Variants in IL15 observed in about 807,000 individuals in gnomAD.
IL15 encodes the protein interleukin-15.
In IL15, 11 loss-of-function variants were observed where a neutral mutation model predicts 19.6. That is an observed-to-expected ratio of 0.56 (90% CI 0.35 to 0.93). The LOEUF (loss-of-function observed/expected upper bound fraction) is 0.93. Among genes scored for constraint, IL15 ranks in the 40% least tolerant of loss-of-function variants. The probability of loss-of-function intolerance (pLI) is 0.01; values close to 1 mark genes in which losing one functional copy is unlikely to be tolerated. For synonymous variants in IL15, 58 were observed against 59.6 expected (o/e 0.97, Z 0.12); for missense variants, 197 against 186.5 (o/e 1.06, Z -0.33).
At chr4:141,673,622 G>A (rs1374791133) in intron 2 of IL15, among the ~76,000 whole-genome samples, 1 of 152,088 alleles carries the variant, frequency 6.6e-6, no homozygotes, top group Admixed American at 6.6e-5. Context: ...GTATTCGACT[G>A]TATCTGCCTC....
rs145669336 is a variant in IL15, at chr4:141,650,388, A to C, written c.-221-5798A>C. ...CTACTAGTAACTGCGCTTTAGATAT[A>C]GTCAATACATATGGAGGTGCAAGCC... On this transcript the variant is annotated intron_variant, in intron 1 of 7. Transcript: ENST00000320650. Among the ~76,000 whole-genome samples the C allele has an allele frequency of 3.8e-3, 579 of 152,222 alleles. 9 individuals carry two copies. The highest frequency in any genetic ancestry group is 0.013 in the African/African-American group (546 of 41,558).
chr4:141,680,453 C>T (rs931718005), intron 2 of IL15, among the ~76,000 whole-genome samples: 2 of 152,256 alleles, frequency 1.3e-5, no homozygotes, highest in Middle Eastern at 3.4e-3. Flanking sequence ...TTCTGTCGAA[C>T]ACTTGATGGA....
rs372724594 is a variant in IL15 at position 141,698,938 on chromosome 4, T to A, written c.-99-20428T>A. ...TGATATTAGGTTGTTTATTTGTGCT[T>A]TTTCACTTTTTCATGTAGGCATTTA... On this transcript the variant is annotated intron_variant, in intron 2 of 7. Transcript: ENST00000320650. Among the ~76,000 whole-genome samples, 3 of 152,220 alleles carry A rather than the reference T, an allele frequency of 2.0e-5. No individual in the cohort carries two copies. The East Asian group carries it at 5.8e-4, about 29-fold the overall frequency.
At chr4:141,641,457 T>A (rs1265089615) in intron 1 of IL15, among the ~76,000 whole-genome samples, 3 of 152,014 alleles carry the variant, frequency 2.0e-5, no homozygotes, top group African/African-American at 4.8e-5. Context: ...TCCATCAATG[T>A]TAGACTGAAT....
At position 141,671,135 on chromosome 4, in the gene IL15, A is replaced by C. The variant is rs76301524; in HGVS notation, c.-100+14828A>C. Among the ~76,000 whole-genome samples, 576 of 152,350 alleles carry C rather than the reference A, an allele frequency of 3.8e-3. 1 individual carries two copies. The highest frequency in any genetic ancestry group is 6.6e-3 in the Non-Finnish European group (446 of 68,032). On this transcript the variant is annotated intron_variant, in intron 2 of 7. Coordinates refer to ENST00000320650, the MANE Select transcript of IL15 (RefSeq NM_000585.5). ...TCTTAATGTATATACTAGAGACAGA[A>C]AGATGAGTAATATAACCCCTACGTA...
At position 141,720,943 on chromosome 4, in the gene IL15, T is replaced by A. The variant is rs902283024; in HGVS notation, c.110+377T>A. 2.1e-5 allele frequency: 12 copies of A among 567,078 alleles called. No homozygotes were observed. In the East Asian group the frequency reaches 3.5e-4, roughly 17 times the overall value. The allele number at this position is 567,078 out of a possible 1,614,324, so 35.1% of individuals were successfully genotyped here. The stretch of plus-strand genomic sequence containing the variant: ...CCTGACACTGACTCCTCCTATCCCT[T>A]GATCTTTATCCTAGTTCAGTTTAAA... On this transcript the variant is annotated intron_variant, in intron 4 of 7. Transcript: ENST00000320650.
At chr4:141,641,309 C>G (rs1257188718) in intron 1 of IL15, among the ~76,000 whole-genome samples, 1 of 151,914 alleles carries the variant, frequency 6.6e-6, no homozygotes, top group African/African-American at 2.4e-5. Flanking sequence ...TCAAAGGAAC[C>G]ATTAATTTTT....
intron 2 of IL15, among the ~76,000 whole-genome samples, chr4:141,662,752 TC>T (rs1428911992): frequency 6.6e-6 from 1 of 152,200 alleles, no homozygotes; most frequent in Non-Finnish European, 1.5e-5. Flanking sequence ...AGCTTTTTCT[TC>T]CTTTGTTGTT....
intron 5 of IL15, among the ~76,000 whole-genome samples, chr4:141,726,087 T>C (rs72712444): frequency 0.11 from 17,493 of 152,172 alleles, 1,109 homozygotes; most frequent in Non-Finnish European, 0.15. Context: ...GGCAGAGCCA[T>C]TGTGATCCAA....
In IL15 at chr4:141,670,777, AT is replaced by A. The variant is rs546800299; in HGVS notation, c.-100+14472del. On this transcript the variant is annotated intron_variant, in intron 2 of 7. Coordinates refer to ENST00000320650, the MANE Select transcript of IL15 (RefSeq NM_000585.5). ...TACAGAAATTAGTTTTAGATTCAAC[AT>A]TATGTCGAAGTTCCAGTACCTTTAT... is the stretch of plus-strand genomic sequence containing the variant. Among the ~76,000 whole-genome samples, 11 of 152,350 alleles carry A rather than the reference AT, an allele frequency of 7.2e-5. No individual in the cohort carries two copies. In the East Asian group the frequency reaches 2.1e-3, roughly 29 times the overall value.
At chr4:141,656,688 G>A (rs1005140868) in intron 2 of IL15, among the ~76,000 whole-genome samples, 25 of 152,104 alleles carry the variant, frequency 1.6e-4, no homozygotes, top group African/African-American at 4.6e-4. Context: ...TGGCCTCTGG[G>A]TCATAGTTTG....
At chr4:141,666,174 C>T (rs1185405275) in intron 2 of IL15, among the ~76,000 whole-genome samples, 1 of 151,746 alleles carries the variant, frequency 6.6e-6, no homozygotes, top group Non-Finnish European at 1.5e-5. Context: ...GATCTCGGCT[C>T]ACTGCAAGCT....
At chr4:141,709,420 G>T (rs552100361) in intron 2 of IL15, among the ~76,000 whole-genome samples, 28 of 152,246 alleles carry the variant, frequency 1.8e-4, no homozygotes, top group African/African-American at 6.7e-4. Context: ...GCATTGGTTT[G>T]CTGGAGCCAG....
chr4:141,652,285 GT>G (rs1238900308), intron 1 of IL15, among the ~76,000 whole-genome samples: 1 of 152,086 alleles, frequency 6.6e-6, no homozygotes, highest in African/African-American at 2.4e-5. Flanking sequence ...TGTTAGCTCT[GT>G]CTCAGATAAT....
At chr4:141,701,666 T>C (rs1729323151) in intron 2 of IL15, among the ~76,000 whole-genome samples, 1 of 152,200 alleles carries the variant, frequency 6.6e-6, no homozygotes. Context: ...GTACATGTAA[T>C]CCTCAGTGGT....
At chr4:141,689,601 C>T (rs1728839299) in intron 2 of IL15, among the ~76,000 whole-genome samples, 1 of 151,714 alleles carries the variant, frequency 6.6e-6, no homozygotes, top group Admixed American at 6.6e-5. Flanking sequence ...TAAAGGTTCT[C>T]CAAGGCCCCA....
intron 2 of IL15, among the ~76,000 whole-genome samples, chr4:141,690,760 C>A (rs902050535): frequency 1.3e-4 from 20 of 152,166 alleles, no homozygotes; most frequent in Admixed American, 1.3e-3. Context: ...AAGAAAGACT[C>A]TCCATGACAT....
intron 2 of IL15, among the ~76,000 whole-genome samples, chr4:141,680,058 C>G (rs1728481484): frequency 6.6e-6 from 1 of 152,190 alleles, no homozygotes; most frequent in East Asian, 1.9e-4. Context: ...ATACAAGAAC[C>G]TATACTACTA....
chr4:141,687,807 T>G (rs1424111794), intron 2 of IL15, among the ~76,000 whole-genome samples: 1 of 152,236 alleles, frequency 6.6e-6, no homozygotes, highest in African/African-American at 2.4e-5. Context: ...AAAGTGAATT[T>G]GAAATGAGTT....
Sources: allele counts gnomAD v4.1 joint callset (sites outside exome capture counted in the v4.1 genomes callset), GRCh38; gene constraint gnomAD v4.1.1; transcripts MANE v1.5; gene names NCBI Gene and HGNC (gene_info 2026-07-23, HGNC 2026-07-21).